Variants in RAB5B observed in about 807,000 individuals in gnomAD.
RAB5B encodes the protein RAB5B, member RAS oncogene family, also known as ras-related protein Rab-5B.
Under a neutral mutation model 28.6 loss-of-function variants are expected in RAB5B, and 11 were observed. The ratio of observed to expected loss-of-function variants is 0.38; its 90% CI spans 0.24 to 0.64. RAB5B has a LOEUF of 0.64. Ranked by LOEUF, RAB5B falls within the 30% of genes least tolerant of loss-of-function variation. The pLI, the probability that RAB5B is intolerant of heterozygous loss-of-function variation, is 0.53. For synonymous variants in RAB5B, 93 were observed against 97.9 expected (o/e 0.95, Z 0.29); for missense variants, 169 against 265.6 (o/e 0.64, Z 2.53).
rs201485586 is a variant in RAB5B at position 55,992,154 on chromosome 12, G to T, written c.590G>T (p.Arg197Leu). 6.2e-7 allele frequency: 1 copy of T among 1,614,172 alleles called. No homozygotes were observed. Among genetic ancestry groups the T allele is most frequent in the Admixed American group, 1.7e-5 (1 of 60,020 alleles). The change falls in exon 6 of 6, where the codon CGG becomes CTG. Residue 197 changes from arginine to leucine, a missense_variant. By Grantham distance (102) the Arg-to-Leu change is moderately radical. Coordinates refer to ENST00000360299, the MANE Select transcript of RAB5B (RefSeq NM_002868.4). ...CTGGGAGGTGCAGCAGGCCGAAGCC[G>T]GGGTGTGGATCTCCATGAACAGTCC... ...QNLGGAAGRSRGVDLHEQSQQ... is the reference protein window; with the variant it reads ...QNLGGAAGRSLGVDLHEQSQQ...
intron 1 of RAB5B, among the ~76,000 whole-genome samples, chr12:55,983,456 G>A (rs1889864471): frequency 6.6e-6 from 1 of 152,102 alleles, no homozygotes; most frequent in Non-Finnish European, 1.5e-5. Context: ...TTTCGTCATA[G>A]GCCATTGAAA....
At chr12:55,976,147 C>T (rs1310788194) in intron 1 of RAB5B, among the ~76,000 whole-genome samples, 1 of 152,030 alleles carries the variant, frequency 6.6e-6, no homozygotes, top group East Asian at 1.9e-4. Flanking sequence ...CCACACATAC[C>T]TTATTCATAT....
intron 5 of RAB5B, 50 bp from the exon 6 acceptor site, chr12:55,992,047 T>A: frequency 7.0e-7 from 1 of 1,434,012 alleles, no homozygotes; most frequent in African/African-American, 1.4e-5. Context: ...GGCAGAGGGG[T>A]AGGGAAGTAA....
chr12:55,989,065 C>G (rs1398657237), intron 2 of RAB5B, among the ~76,000 whole-genome samples: 2 of 150,664 alleles, frequency 1.3e-5, no homozygotes, highest in African/African-American at 4.9e-5. Context: ...CCTCAGCCTC[C>G]CAAGTAGCTG....
At chr12:55,974,872 T>C (rs1442301304) in intron 1 of RAB5B, among the ~76,000 whole-genome samples, 6 of 152,040 alleles carry the variant, frequency 3.9e-5, no homozygotes, top group Admixed American at 1.3e-4. Flanking sequence ...TGTTTAGATG[T>C]GGTAATTTGA....
chr12:55,992,297 T>C lies in RAB5B; in HGVS notation c.*85T>C, dbSNP rs879023761. On this transcript the variant is annotated 3_prime_UTR_variant, in exon 6 of 6. Coordinates refer to ENST00000360299, the MANE Select transcript of RAB5B (RefSeq NM_002868.4). The stretch of plus-strand genomic sequence containing the variant: ...TCCCTACCCCTCAGCACACAACCCC[T>C]ACGGTAACAGCACACTGAGCCCTGG... The C allele has an allele frequency of 1.7e-6, 2 of 1,158,480 alleles. No individual in the cohort carries two copies. The highest frequency in any genetic ancestry group is 2.1e-5 in the Admixed American group (1 of 48,422). 71.8% of individuals were successfully genotyped at this position (1,158,480 alleles called of 1,614,324 possible).
At chr12:55,984,154 A>G (rs1429551187) in intron 1 of RAB5B, among the ~76,000 whole-genome samples, 1 of 149,156 alleles carries the variant, frequency 6.7e-6, no homozygotes, top group East Asian at 2.0e-4. Context: ...GAGTAGGATT[A>G]CAAATGCCGG....
rs755354499 is a variant in RAB5B, at chr12:55,989,934, C to G, written c.164-13C>G. 3 of 1,607,554 alleles carry G rather than the reference C, an allele frequency of 1.9e-6. No homozygotes were observed. The highest frequency in any genetic ancestry group is 1.3e-5 in the African/African-American group (1 of 74,862). Reference sequence around the variant, plus strand: ...CACTTACAGCATCTTCCCCTCCATTCTCTCATCCATAGCGGCCTTCCTCAC... The same window carrying G: ...CACTTACAGCATCTTCCCCTCCATTGTCTCATCCATAGCGGCCTTCCTCAC... On this transcript the variant is annotated splice_polypyrimidine_tract_variant and intron_variant, in intron 2 of 5. Transcript: ENST00000360299.
intron 2 of RAB5B, among the ~76,000 whole-genome samples, chr12:55,987,950 C>G (rs1323401341): frequency 2.0e-5 from 3 of 151,906 alleles, no homozygotes; most frequent in Non-Finnish European, 4.4e-5. Context: ...AGTTCAAGAC[C>G]AGCCTGGCCA....
At chr12:55,976,032 G>C (rs1401455216) in intron 1 of RAB5B, among the ~76,000 whole-genome samples, 1 of 152,034 alleles carries the variant, frequency 6.6e-6, no homozygotes, top group Non-Finnish European at 1.5e-5. Flanking sequence ...TTACAGGCGT[G>C]AGCCACCACA....
At chr12:55,978,003 A>G (rs902017586) in intron 1 of RAB5B, among the ~76,000 whole-genome samples, 9 of 152,184 alleles carry the variant, frequency 5.9e-5, no homozygotes, top group African/African-American at 2.2e-4. Flanking sequence ...GTTTTTAGCT[A>G]TAGTTGCCTC....
At position 55,988,019 on chromosome 12, in the gene RAB5B, C is replaced by T. The variant is rs561035163; in HGVS notation, c.163+896C>T. On this transcript the variant is annotated intron_variant, in intron 2 of 5. Coordinates refer to ENST00000360299, the MANE Select transcript of RAB5B (RefSeq NM_002868.4). ...AAAAAATTAGCTGGGCGTGGTGGCA[C>T]ATGCCTATAATTCCAGCTACTCAGG... Among the ~76,000 whole-genome samples the T allele has an allele frequency of 1.3e-3, 198 of 151,776 alleles. 1 individual carries two copies. Among genetic ancestry groups the T allele is most frequent in the African/African-American group, 4.4e-3 (182 of 41,306 alleles).
chr12:55,983,335 T>C (rs1438102694), intron 1 of RAB5B, among the ~76,000 whole-genome samples: 1 of 152,120 alleles, frequency 6.6e-6, no homozygotes, highest in East Asian at 1.9e-4. Context: ...AGAGTGAGAC[T>C]CTCTCTAAAA....
At chr12:55,978,153 G>A (rs1300807958) in intron 1 of RAB5B, among the ~76,000 whole-genome samples, 1 of 152,174 alleles carries the variant, frequency 6.6e-6, no homozygotes, top group African/African-American at 2.4e-5. Context: ...CTCCATCCAA[G>A]GGAGATCACA....
chr12:55,983,632 C>T (rs1460595000), intron 1 of RAB5B, among the ~76,000 whole-genome samples: 1 of 147,752 alleles, frequency 6.8e-6, no homozygotes, highest in Non-Finnish European at 1.5e-5. Flanking sequence ...CTAACTTCCT[C>T]TTTACCCTTT....
chr12:55,990,230 A>G, intron 3 of RAB5B, 132 bp downstream of exon 3: 1 of 1,023,654 alleles, frequency 9.8e-7, no homozygotes, highest in Non-Finnish European at 1.4e-6. Context: ...CAACATGGTG[A>G]AACCCCGTCT....
chr12:55,990,148 G>A (rs761270860), intron 3 of RAB5B, 50 bp downstream of exon 3: 16 of 1,554,072 alleles, frequency 1.0e-5, no homozygotes, highest in Admixed American at 1.9e-5. Flanking sequence ...GGTGGCTTAC[G>A]CCTATAATCC....
At position 55,986,911 on chromosome 12, in the gene RAB5B, C is replaced by CCTTTTCA; in HGVS notation, c.-50_-49insCTTTTCA. Reference sequence around the variant, plus strand: ...AATCCCCTCCCCTTCCCCCTCCCCCCTTTACAGTATCCCCCTCCCTCCACC... The same window carrying CCTTTTCA: ...AATCCCCTCCCCTTCCCCCTCCCCCCCTTTTCATTTACAGTATCCCCCTCCCTCCACC... On this transcript the variant is annotated 5_prime_UTR_variant, in exon 2 of 6. Coordinates refer to ENST00000360299, the MANE Select transcript of RAB5B (RefSeq NM_002868.4). 1 of 752,548 alleles carries CCTTTTCA rather than the reference C, an allele frequency of 1.3e-6. No individual in the cohort carries two copies. Among genetic ancestry groups the CCTTTTCA allele is most frequent in the Non-Finnish European group, 2.3e-6 (1 of 439,138 alleles). 46.6% of individuals were successfully genotyped at this position (752,548 alleles called of 1,614,324 possible).
At chr12:55,991,527 G>C in intron 5 of RAB5B, 74 bp downstream of exon 5, 2 of 1,286,714 alleles carry the variant, frequency 1.6e-6, no homozygotes, top group Admixed American at 3.5e-5. Flanking sequence ...CCAAATCAAG[G>C]ATAGGTGCGA....
Sources: allele counts gnomAD v4.1 joint callset (sites outside exome capture counted in the v4.1 genomes callset), GRCh38; gene constraint gnomAD v4.1.1; transcripts MANE v1.5; gene names NCBI Gene and HGNC (gene_info 2026-07-23, HGNC 2026-07-21).